Variants in OPCML observed in about 807,000 individuals in gnomAD.
The protein encoded by OPCML is opioid binding protein/cell adhesion molecule like.
In OPCML, 13 loss-of-function variants were observed where a neutral mutation model predicts 37.8. The observed-to-expected ratio is 0.34, with a 90% CI of 0.22 to 0.55. The LOEUF is 0.55. Among genes scored for constraint, OPCML ranks in the 20% least tolerant of loss-of-function variants. The pLI is 0.91. For synonymous variants in OPCML, 176 were observed against 168.8 expected, an observed-to-expected ratio of 1.04 and a Z score of -0.33; for missense variants, 341 against 435.6, an observed-to-expected ratio of 0.78 and a Z score of 1.93.
At position 133,239,551 on chromosome 11, in the gene OPCML, C is replaced by T. The variant is rs1014892167; in HGVS notation, c.61+292713G>A. 3.7e-4 allele frequency among the ~76,000 whole-genome samples: 56 copies of T among 152,236 alleles called. 1 individual carries two copies. Among genetic ancestry groups the T allele is most frequent in the Admixed American group, 3.7e-3 (56 of 15,292 alleles). ...GGTGCAAAGTGCTTCAGGAATGTCA[C>T]AGCACAGGCCAACTTAGGGCAGCCT... On this transcript the variant is annotated intron_variant, in intron 1 of 7. Transcript: ENST00000524381.
At chr11:132,944,388 C>T (rs1445168124) in intron 1 of OPCML, among the ~76,000 whole-genome samples, 1 of 152,064 alleles carries the variant, frequency 6.6e-6, no homozygotes, top group Non-Finnish European at 1.5e-5. Context: ...CGAACGGCTC[C>T]CCGCCCAGCC....
At chr11:132,670,852 G>A (rs1455503067) in intron 2 of OPCML, among the ~76,000 whole-genome samples, 1 of 151,968 alleles carries the variant, frequency 6.6e-6, no homozygotes, top group Non-Finnish European at 1.5e-5. Context: ...ATGTTATAAT[G>A]ATCTTAACTT....
intron 4 of OPCML, among the ~76,000 whole-genome samples, chr11:132,456,419 AT>A (rs1178328500): frequency 1.3e-5 from 2 of 152,196 alleles, no homozygotes; most frequent in Non-Finnish European, 2.9e-5. Context: ...GTTTTAGTTA[AT>A]TTTTTTAGAG....
At chr11:133,341,681 G>A (rs1943872624) in intron 1 of OPCML, among the ~76,000 whole-genome samples, 1 of 152,174 alleles carries the variant, frequency 6.6e-6, no homozygotes, top group Non-Finnish European at 1.5e-5. Context: ...CACTTTGGGA[G>A]GCCAAGGCAG....
At chr11:132,889,111 T>C (rs921578583) in intron 2 of OPCML, among the ~76,000 whole-genome samples, 2 of 152,160 alleles carry the variant, frequency 1.3e-5, no homozygotes, top group African/African-American at 4.8e-5. Flanking sequence ...ATAGAGAACA[T>C]CTAACTGTTT....
chr11:132,592,122 T>A (rs1483142989), intron 3 of OPCML, among the ~76,000 whole-genome samples: 1 of 152,176 alleles, frequency 6.6e-6, no homozygotes, highest in African/African-American at 2.4e-5. Context: ...AAGAGCAATA[T>A]CAACTCATCA....
intron 1 of OPCML, among the ~76,000 whole-genome samples, chr11:133,261,047 T>C (rs1472038100): frequency 6.6e-6 from 1 of 152,216 alleles, no homozygotes; most frequent in African/African-American, 2.4e-5. Flanking sequence ...CTTTTGTCCA[T>C]CTGACTTCCT....
intron 1 of OPCML, among the ~76,000 whole-genome samples, chr11:133,153,656 G>A (rs1157390234): frequency 6.6e-6 from 1 of 152,162 alleles, no homozygotes; most frequent in Non-Finnish European, 1.5e-5. Context: ...GCTTATGTCT[G>A]ATGGGAGCAT....
At chr11:133,385,427 C>T (rs1359255832) in intron 1 of OPCML, among the ~76,000 whole-genome samples, 1 of 152,150 alleles carries the variant, frequency 6.6e-6, no homozygotes, top group Admixed American at 6.5e-5. Context: ...TGTGGCTCTG[C>T]GTTTTGCCTG....
At chr11:132,875,164 G>T (rs1942962354) in intron 2 of OPCML, among the ~76,000 whole-genome samples, 1 of 152,096 alleles carries the variant, frequency 6.6e-6, no homozygotes, top group African/African-American at 2.4e-5. Context: ...TTCATGTAAA[G>T]TAGAAATTAC....
intron 4 of OPCML, among the ~76,000 whole-genome samples, chr11:132,458,410 A>T (rs925155427): frequency 1.3e-5 from 2 of 152,232 alleles, no homozygotes; most frequent in African/African-American, 4.8e-5. Flanking sequence ...CAGCAGCAAG[A>T]TAAAGACCGG....
At chr11:132,759,107 G>T (rs1458001011) in intron 2 of OPCML, among the ~76,000 whole-genome samples, 1 of 152,144 alleles carries the variant, frequency 6.6e-6, no homozygotes, top group Non-Finnish European at 1.5e-5. Flanking sequence ...TACATTTATT[G>T]ATTTGTGTAT....
chr11:132,583,208 T>C (rs1417447311), intron 3 of OPCML, among the ~76,000 whole-genome samples: 1 of 152,064 alleles, frequency 6.6e-6, no homozygotes, highest in Non-Finnish European at 1.5e-5. Context: ...ATGACAGGAA[T>C]GTGCCACCAC....
intron 2 of OPCML, among the ~76,000 whole-genome samples, chr11:132,659,927 C>A (rs541925652): frequency 1.3e-5 from 2 of 152,148 alleles, no homozygotes; most frequent in East Asian, 3.9e-4. Flanking sequence ...GATCACCTAC[C>A]ATATTTATTT....
chr11:133,304,736 A>C (rs1338188012), intron 1 of OPCML, among the ~76,000 whole-genome samples: 1 of 152,164 alleles, frequency 6.6e-6, no homozygotes, highest in Non-Finnish European at 1.5e-5. Flanking sequence ...AGGGACACAA[A>C]TGTTGCCATG....
At chr11:133,280,793 T>C (rs1942125869) in intron 1 of OPCML, among the ~76,000 whole-genome samples, 1 of 152,110 alleles carries the variant, frequency 6.6e-6, no homozygotes, top group African/African-American at 2.4e-5. Flanking sequence ...GCAAGGGATA[T>C]GATGTTAAGA....
At chr11:133,027,937 C>T (rs1947595091) in intron 1 of OPCML, among the ~76,000 whole-genome samples, 1 of 149,034 alleles carries the variant, frequency 6.7e-6, no homozygotes, top group Non-Finnish European at 1.5e-5. Context: ...CTGAGTCAGA[C>T]CTCAGCAAAG....
intron 1 of OPCML, among the ~76,000 whole-genome samples, chr11:133,196,681 T>C (rs1304522535): frequency 1.3e-5 from 2 of 152,126 alleles, no homozygotes; most frequent in East Asian, 1.9e-4. Flanking sequence ...GCAATGTTTG[T>C]GAGGAGGGTG....
At chr11:133,517,709 G>A (rs894550423) in intron 1 of OPCML, among the ~76,000 whole-genome samples, 4 of 152,208 alleles carry the variant, frequency 2.6e-5, no homozygotes, top group Admixed American at 6.5e-5. Context: ...AGTGAGCAGC[G>A]CCAGGCCACA....
Sources: gnomAD v4.1 joint callset for allele counts (sites outside exome capture counted in the v4.1 genomes callset) on GRCh38, gnomAD v4.1.1 for gene constraint, MANE v1.5 for transcripts, NCBI Gene and HGNC (gene_info 2026-07-23, HGNC 2026-07-21) for gene names.